The following PLEKHA2 variants were observed in gnomAD, a reference collection of about 807,000 sequenced individuals.
PLEKHA2 encodes pleckstrin homology domain-containing family A member 2.
In PLEKHA2, 28 loss-of-function variants were observed where a neutral mutation model predicts 53.2. The observed-to-expected ratio is 0.53, with a 90% CI of 0.39 to 0.72. The LOEUF (loss-of-function observed/expected upper bound fraction) is 0.72, where lower values mean the gene tolerates loss of function less well. Ranked by LOEUF, PLEKHA2 falls within the 30% of genes least tolerant of loss-of-function variation. The probability of loss-of-function intolerance (pLI) is 0.00; values close to 1 mark genes in which losing one functional copy is unlikely to be tolerated. For synonymous variants in PLEKHA2, 193 were observed against 196.4 expected (o/e 0.98, Z 0.14); for missense variants, 426 against 537.9 (o/e 0.79, Z 2.06).
At chr8:38,920,675 C>T (rs952896897) in intron 2 of PLEKHA2, among the ~76,000 whole-genome samples, 35 of 152,166 alleles carry the variant, frequency 2.3e-4, no homozygotes, top group African/African-American at 7.0e-4. Context: ...ATCCTCCCAC[C>T]TCAGCCTCCC....
chr8:38,931,048 C>T (rs373511330), intron 2 of PLEKHA2, among the ~76,000 whole-genome samples: 10 of 152,142 alleles, frequency 6.6e-5, no homozygotes, highest in African/African-American at 1.9e-4. Context: ...GAGGCCAGGG[C>T]GGGCGGATCA....
intron 3 of PLEKHA2, among the ~76,000 whole-genome samples, chr8:38,943,365 A>T (rs896776372): frequency 2.0e-5 from 3 of 151,964 alleles, no homozygotes; most frequent in African/African-American, 7.3e-5. Flanking sequence ...AGGGGCATTT[A>T]AAAAAAATTA....
At chr8:38,918,678 C>A (rs1292958440) in intron 2 of PLEKHA2, among the ~76,000 whole-genome samples, 1 of 149,346 alleles carries the variant, frequency 6.7e-6, no homozygotes, top group African/African-American at 2.5e-5. Context: ...TACACACACA[C>A]CCCCACGCAC....
At chr8:38,902,897 C>G (rs1336703355) in intron 1 of PLEKHA2, among the ~76,000 whole-genome samples, 2 of 152,176 alleles carry the variant, frequency 1.3e-5, no homozygotes, top group Non-Finnish European at 1.5e-5. Flanking sequence ...CCAGAGTAAG[C>G]TTTTAGAAAG....
In PLEKHA2 at chr8:38,969,819, A is replaced by T; in HGVS notation, c.*36A>T. 6.5e-7 allele frequency: 1 copy of T among 1,541,024 alleles called. No homozygotes were observed. Among genetic ancestry groups the T allele is most frequent in the Non-Finnish European group, 8.7e-7 (1 of 1,144,958 alleles). ...TGCCATGGGAGGGAGGGAGGGAGGG[A>T]GGACTTGAGAGAAGGAGGCTGTGAC... On this transcript the variant is annotated 3_prime_UTR_variant, in exon 12 of 12. Transcript: ENST00000617275.
intron 5 of PLEKHA2, chr8:38,950,616 A>T: frequency 2.5e-6 from 1 of 404,022 alleles, no homozygotes; most frequent in South Asian, 6.6e-5. Context: ...GGGCTGGCTC[A>T]TAAGTAGGCG....
At chr8:38,904,791 C>T (rs114449628) in intron 1 of PLEKHA2, among the ~76,000 whole-genome samples, 7 of 152,260 alleles carry the variant, frequency 4.6e-5, no homozygotes, top group African/African-American at 7.2e-5. Context: ...GATGGAGGTG[C>T]GCATGCAGCA....
intron 2 of PLEKHA2, among the ~76,000 whole-genome samples, chr8:38,929,565 G>A (rs1406345693): frequency 1.3e-5 from 2 of 152,248 alleles, no homozygotes; most frequent in Admixed American, 6.5e-5. Flanking sequence ...ACCCTGGGCA[G>A]GTTCCTTCAC....
At chr8:38,906,463 TC>T (rs1833876426) in intron 1 of PLEKHA2, among the ~76,000 whole-genome samples, 1 of 152,150 alleles carries the variant, frequency 6.6e-6, no homozygotes, top group African/African-American at 2.4e-5. Flanking sequence ...TGCTCTCTAC[TC>T]CAAGTTCTAG....
At chr8:38,948,507 A>G (rs905322612) in intron 5 of PLEKHA2, among the ~76,000 whole-genome samples, 1 of 152,256 alleles carries the variant, frequency 6.6e-6, no homozygotes, top group African/African-American at 2.4e-5. Flanking sequence ...TAGAAGGCGG[A>G]ATTTCTGGCC....
intron 1 of PLEKHA2, among the ~76,000 whole-genome samples, chr8:38,903,096 T>A (rs1833817398): frequency 6.6e-6 from 1 of 152,266 alleles, no homozygotes; most frequent in African/African-American, 2.4e-5. Context: ...TTTGCACTTG[T>A]CCAAATGGCA....
At chr8:38,946,854 CTT>C (rs1834725186) in intron 5 of PLEKHA2, among the ~76,000 whole-genome samples, 1 of 152,150 alleles carries the variant, frequency 6.6e-6, no homozygotes, top group African/African-American at 2.4e-5. Flanking sequence ...AAAAACTAGA[CTT>C]TTAATCAATA....
chr8:38,946,262 G>A (rs1249271719), intron 5 of PLEKHA2, 41 bp downstream of exon 5: 2 of 1,521,298 alleles, frequency 1.3e-6, no homozygotes, highest in Non-Finnish European at 1.8e-6. Context: ...TAGTAAAAGT[G>A]CCTCTTCCCA....
intron 1 of PLEKHA2, among the ~76,000 whole-genome samples, chr8:38,906,860 T>C (rs1323284425): frequency 6.6e-6 from 1 of 152,198 alleles, no homozygotes; most frequent in African/African-American, 2.4e-5. Context: ...TCTGAACATA[T>C]ATGAACTCTG....
chr8:38,950,855 C>T lies in PLEKHA2; in HGVS notation c.351C>T (p.Pro117=), dbSNP rs376588052. 127 of 1,612,926 alleles carry T rather than the reference C, an allele frequency of 7.9e-5. No individual in the cohort carries two copies. Among genetic ancestry groups the T allele is most frequent in the Non-Finnish European group, 1.1e-4 (125 of 1,179,326 alleles). ...ALNQASKITV[P]KGGGLPMTTE... ...GTTGCTGCCGCTCACCCCAGGTTCC[C>T]AAAGGTGGGGGCCTACCCATGACCA... is the stretch of plus-strand genomic sequence containing the variant. Residue 117 remains proline, a synonymous_variant, in exon 6 of 12, where the codon CCC becomes CCT. Transcript: ENST00000617275.
intron 2 of PLEKHA2, among the ~76,000 whole-genome samples, chr8:38,925,425 A>T (rs1834268654): frequency 6.6e-6 from 1 of 152,246 alleles, no homozygotes. Context: ...CTGAACAAAG[A>T]GTAAACAGAA....
chr8:38,937,377 A>C (rs956874693), intron 3 of PLEKHA2, among the ~76,000 whole-genome samples: 3 of 152,146 alleles, frequency 2.0e-5, no homozygotes, highest in African/African-American at 7.2e-5. Context: ...TCTTGCTGAG[A>C]GCTCCTGAGG....
rs368525386 is a variant in PLEKHA2 at position 38,918,763 on chromosome 8, A to G, written c.141+693A>G. On this transcript the variant is annotated intron_variant, in intron 2 of 11. Transcript: ENST00000617275. ...GCACACGCACACACCATACACACAC[A>G]TGCACACACACATATACACACAGAC... Among the ~76,000 whole-genome samples, 263 of 151,764 alleles carry G rather than the reference A, an allele frequency of 1.7e-3. 1 individual carries two copies. The highest frequency in any genetic ancestry group is 6.2e-3 in the African/African-American group (257 of 41,368).
At chr8:38,939,940 T>C (rs887598565) in intron 3 of PLEKHA2, among the ~76,000 whole-genome samples, 1 of 151,310 alleles carries the variant, frequency 6.6e-6, no homozygotes, top group Admixed American at 6.6e-5. Flanking sequence ...ATTTAAAAAA[T>C]AAAATTTAGC....
Sources: gnomAD v4.1 joint callset for allele counts (sites outside exome capture counted in the v4.1 genomes callset) on GRCh38, gnomAD v4.1.1 for gene constraint, MANE v1.5 for transcripts, NCBI Gene and HGNC (gene_info 2026-07-23, HGNC 2026-07-21) for gene names.